SHOX: variants seen among roughly 807,000 people sequenced by gnomAD.
The protein encoded by SHOX is short stature homeobox protein.
Under a neutral mutation model 29.6 loss-of-function variants are expected in SHOX, and 12 were observed. The observed-to-expected ratio is 0.41, with a 90% CI of 0.26 to 0.66. The LOEUF (loss-of-function observed/expected upper bound fraction) is 0.66. Ranked by LOEUF, SHOX falls within the 30% of genes least tolerant of loss-of-function variation. The pLI, the probability that SHOX is intolerant of heterozygous loss-of-function variation, is 0.35. For synonymous variants in SHOX, 214 were observed against 200.6 expected, an observed-to-expected ratio of 1.07 and a Z score of -0.57; for missense variants, 499 against 437.7, an observed-to-expected ratio of 1.14 and a Z score of -1.25.
intron 4 of SHOX, among the ~76,000 whole-genome samples, chrX:642,238 G>A (rs1399330210): frequency 2.0e-5 from 3 of 151,828 alleles, no homozygotes; most frequent in Admixed American, 2.0e-4. Context: ...CGGCTGCGGT[G>A]CCCCTTGCCC....
intron 2 of SHOX, among the ~76,000 whole-genome samples, chrX:638,827 A>G (rs1351978099): frequency 6.6e-6 from 1 of 152,206 alleles, no homozygotes; most frequent in Non-Finnish European, 1.5e-5. Flanking sequence ...CAACAGCCGG[A>G]GTGACTGGTT....
rs749355015 is a variant in SHOX, at chrX:644,677, C to A, written c.*41C>A. The A allele has an allele frequency of 1.5e-3, 2,107 of 1,396,558 alleles. 15 individuals carry two copies. The African/African-American group carries it at 0.016, about 11-fold the overall frequency. The allele number at this position is 1,396,558 out of a possible 1,614,324, so 86.5% of individuals were successfully genotyped here. On this transcript the variant is annotated 3_prime_UTR_variant, in exon 5 of 5. Transcript: ENST00000686671. ...CCCGCGCGCCCGGACTCCCGGGCTC[C>A]GCGCACCCCGCCTGCACCGCGCGTC...
intron 2 of SHOX, among the ~76,000 whole-genome samples, chrX:635,668 G>C (rs1394584498): frequency 3.9e-5 from 6 of 152,228 alleles, no homozygotes; most frequent in Admixed American, 1.3e-4. Context: ...TGTGCGCAGA[G>C]GGACGGGCGG....
Position 631,077 on chromosome X carries a change from G to A in SHOX, c.180G>A (p.Thr60=), listed in dbSNP as rs1219534393. The change falls in exon 1 of 5, where the codon ACG becomes ACA. Residue 60 remains threonine, a synonymous_variant. Transcript: ENST00000686671. ...CGGATTCCAGCCTCCAGGACATCAC[G>A]GAGGGCGGCGGCCACTGCCCGGTGC... The part of the protein sequence containing the change: ...GTSDSSLQDI[T]EGGGHCPVHL... The A allele has an allele frequency of 1.9e-6, 3 of 1,613,612 alleles. No individual in the cohort carries two copies. Among genetic ancestry groups the A allele is most frequent in the African/African-American group, 1.3e-5 (1 of 74,936 alleles).
In SHOX at chrX:641,025, C is replaced by A; in HGVS notation, c.571C>A (p.Leu191Ile). 3 of 1,613,898 alleles carry A rather than the reference C, an allele frequency of 1.9e-6. No individual in the cohort carries two copies. The highest frequency in any genetic ancestry group is 2.5e-6 in the Non-Finnish European group (3 of 1,179,846). ...KGVILGTANH[L>I]DACRVAPYVN... ...CGTCATCTTGGGCACAGCCAACCAC[C>A]TAGACGCCTGCCGAGTGGCACCCTA... Residue 191 changes from leucine to isoleucine, a missense_variant, in exon 4 of 5, where the codon CTA becomes ATA. Leu to Ile is a conservative substitution (Grantham distance 5). Transcript: ENST00000686671.
chrX:625,052 T>TGCCATCCCTCCCTCCCTCCC (rs1556451917), intron 1 of SHOX, among the ~76,000 whole-genome samples: 1 of 64,126 alleles, frequency 1.6e-5, no homozygotes, highest in Admixed American at 1.4e-4. Context: ...CCTCCCTCTG[T>TGCCATCCCTCCCTCCCTCCC]TCCTTCCTCC....
exon 1 of SHOX, chrX:624,397 T>G (rs1373142597): frequency 6.6e-6 from 1 of 151,118 alleles, no homozygotes; most frequent in Non-Finnish European, 1.5e-5. Flanking sequence ...TTTTTTTTTT[T>G]TTGGTTTTGT....
chrX:625,690 TTC>T (rs573690357), intron 1 of SHOX, among the ~76,000 whole-genome samples: 3,759 of 120,750 alleles, frequency 0.031, 208 homozygotes, highest in South Asian at 0.12. Context: ...TTTTTCTCTC[TTC>T]CTCTGTCTCT....
chrX:628,531 CCA>C (rs2052585929), upstream of SHOX, among the ~76,000 whole-genome samples: 1 of 90,664 alleles, frequency 1.1e-5, no homozygotes, highest in Non-Finnish European at 2.4e-5. Flanking sequence ...TTCTCTCTCT[CCA>C]TCTGTCTGTC....
intron 1 of SHOX, among the ~76,000 whole-genome samples, chrX:631,688 C>T (rs2052653001): frequency 6.6e-6 from 1 of 152,176 alleles, no homozygotes. Context: ...TGCACCACCA[C>T]GCCTGGCTAA....
exon 6 of SHOX, chrX:659,110 G>C (rs1261185772): frequency 1.3e-5 from 2 of 151,904 alleles, no homozygotes; most frequent in Admixed American, 6.6e-5. Context: ...AAGAAAGACA[G>C]AGTCTTGCTC....
intron 1 of SHOX, among the ~76,000 whole-genome samples, chrX:631,442 T>G (rs2052646918): frequency 6.6e-6 from 1 of 152,102 alleles, no homozygotes; most frequent in Admixed American, 6.5e-5. Context: ...CACGGGAAGG[T>G]CCCGGGCTGG....
rs1388114659 is a variant in SHOX at position 650,153 on chromosome X, G to A, written c.*5517G>A. Among the ~76,000 whole-genome samples the A allele has an allele frequency of 6.6e-6, 1 of 152,192 alleles. No individual in the cohort carries two copies. Among genetic ancestry groups the A allele is most frequent in the Non-Finnish European group, 1.5e-5 (1 of 68,030 alleles). On this transcript the variant is annotated 3_prime_UTR_variant, in exon 5 of 5. Transcript: ENST00000686671. ...GGCTGTGGCTGTCTTCTCCAGCGCC[G>A]TGGATAAAGAGATGGGACAGATTCT...
In SHOX at chrX:651,477, A is replaced by G. The variant is rs1392138766; in HGVS notation, c.*6841A>G. 2.3e-6 allele frequency: 1 copy of G among 443,676 alleles called. No homozygotes were observed. Among genetic ancestry groups the G allele is most frequent in the Admixed American group, 2.5e-5 (1 of 40,170 alleles). 27.5% of individuals were successfully genotyped at this position (443,676 alleles called of 1,614,324 possible). A position where few individuals can be genotyped will look rare whatever the true frequency, so the allele number is the denominator to read the frequency against. On this transcript the variant is annotated 3_prime_UTR_variant, in exon 5 of 5. Coordinates refer to ENST00000686671, the MANE Select transcript of SHOX (RefSeq NM_000451.4). ...GACGCCCTCATTCTCCTAACGTTCA[A>G]TAATCTCAATGTTGAGTTGCAGCAA...
chrX:631,823 C>T (rs752425289), intron 1 of SHOX: 1 of 444,412 alleles, frequency 2.3e-6, no homozygotes, highest in African/African-American at 2.0e-5. Context: ...TGAGGCACCG[C>T]GCCCGGCCTG....
At chrX:654,670 G>C (rs2053112867), downstream of SHOX, among the ~76,000 whole-genome samples, 1 of 152,096 alleles carries the variant, frequency 6.6e-6, no homozygotes, top group South Asian at 2.1e-4. Flanking sequence ...CAGCAGGCAA[G>C]AGGATACTTT....
intron 1 of SHOX, among the ~76,000 whole-genome samples, chrX:633,135 T>C (rs918224987): frequency 3.9e-5 from 6 of 152,110 alleles, no homozygotes; most frequent in African/African-American, 1.4e-4. Flanking sequence ...CTACTATTTA[T>C]TCATCAGATC....
At position 649,806 on chromosome X, in the gene SHOX, G is replaced by A. The variant is rs899931166; in HGVS notation, c.*5170G>A. On this transcript the variant is annotated 3_prime_UTR_variant, in exon 5 of 5. Transcript: ENST00000686671. ...TCTTCCCTCCTCTCCCCAAAACTTGGCCAAATAGTCCGTGGAGGGTTGTCA... is the reference window on the plus strand; with the variant it reads ...TCTTCCCTCCTCTCCCCAAAACTTGACCAAATAGTCCGTGGAGGGTTGTCA... The A allele has an allele frequency of 3.3e-5, 14 of 426,466 alleles. No homozygotes were observed. Among genetic ancestry groups the A allele is most frequent in the Admixed American group, 7.6e-5 (3 of 39,272 alleles). The allele number at this position is 426,466 out of a possible 1,614,324, so 26.4% of individuals were successfully genotyped here.
upstream of SHOX, among the ~76,000 whole-genome samples, chrX:626,652 T>C (rs1322038232): frequency 7.2e-6 from 1 of 139,076 alleles, no homozygotes; most frequent in African/African-American, 2.8e-5. Context: ...CTCTCCTCTC[T>C]CTCTTTTTCT....
Sources: allele counts gnomAD v4.1 joint callset (sites outside exome capture counted in the v4.1 genomes callset), GRCh38; gene constraint gnomAD v4.1.1; transcripts MANE v1.5; gene names NCBI Gene and HGNC (gene_info 2026-07-23, HGNC 2026-07-21).